TMEM116: variants seen among roughly 807,000 people sequenced by gnomAD.
TMEM116 encodes the protein transmembrane protein 116.
A neutral mutation model predicts 44.3 loss-of-function variants in TMEM116; 38 were observed. That is an observed-to-expected ratio of 0.86 (90% CI 0.66 to 1.12). TMEM116 has a LOEUF of 1.12. TMEM116 is among the 50% of genes most tolerant of loss of function. The pLI, the probability that TMEM116 is intolerant of heterozygous loss-of-function variation, is 0.00. For missense variants in TMEM116, 354 were observed against 401.7 expected, an observed-to-expected ratio of 0.88 and a Z score of 1.01; for synonymous variants, 132 against 144.8, an observed-to-expected ratio of 0.91 and a Z score of 0.64.
intron 4 of TMEM116, among the ~76,000 whole-genome samples, chr12:111,961,612 T>G (rs2136390364): frequency 1.3e-5 from 2 of 152,288 alleles, no homozygotes; most frequent in East Asian, 3.9e-4. Flanking sequence ...TTTGACAAAA[T>G]TCTACATCCC....
intron 4 of TMEM116, among the ~76,000 whole-genome samples, chr12:111,947,119 TA>T (rs2073347858): frequency 6.6e-6 from 1 of 151,976 alleles, no homozygotes; most frequent in African/African-American, 2.4e-5. Context: ...GGTTTTTAAT[TA>T]AAGTGTTAAA....
chr12:112,005,434 G>A, intron 1 of TMEM116, 131 bp from the exon 2 acceptor site: 2 of 656,882 alleles, frequency 3.0e-6, no homozygotes, highest in Non-Finnish European at 4.3e-6. Context: ...CTATAAGCCT[G>A]AGAATGAGTT....
At chr12:111,940,010 T>C (rs903594588) in intron 5 of TMEM116, among the ~76,000 whole-genome samples, 1 of 150,998 alleles carries the variant, frequency 6.6e-6, no homozygotes, top group Non-Finnish European at 1.5e-5. Flanking sequence ...TGGTGGCTTA[T>C]GTCTGTAGTC....
At chr12:111,942,894 T>C (rs1461737554) in intron 5 of TMEM116, among the ~76,000 whole-genome samples, 2 of 151,996 alleles carry the variant, frequency 1.3e-5, no homozygotes, top group Non-Finnish European at 2.9e-5. Context: ...TTAACCTCCA[T>C]AAATGCACCT....
At position 111,968,643 on chromosome 12, in the gene TMEM116, T is replaced by C. The variant is rs562776277; in HGVS notation, c.210+23115A>G. Among the ~76,000 whole-genome samples the C allele has an allele frequency of 8.5e-5, 13 of 152,276 alleles. No individual in the cohort carries two copies. The South Asian group carries it at 2.5e-3, about 29-fold the overall frequency. ...GAAGTAAAGGACAATAAAATAGTCA[T>C]CATAACTACATTCTATCTTTTCAGT... On this transcript the variant is annotated intron_variant, in intron 4 of 10. Transcript: ENST00000552374.
At chr12:111,973,892 C>T (rs763387970) in intron 4 of TMEM116, among the ~76,000 whole-genome samples, 1 of 151,498 alleles carries the variant, frequency 6.6e-6, no homozygotes, top group African/African-American at 2.4e-5. Flanking sequence ...CCAAGCTGGG[C>T]AACAAAAGCG....
chr12:111,981,039 T>A (rs1291293789), intron 4 of TMEM116, among the ~76,000 whole-genome samples: 4 of 148,938 alleles, frequency 2.7e-5, no homozygotes, highest in Non-Finnish European at 5.9e-5. Flanking sequence ...GTGCCACTGC[T>A]GGGTAACAGA....
At position 111,972,497 on chromosome 12, in the gene TMEM116, T is replaced by C. The variant is rs141032837; in HGVS notation, c.210+19261A>G. Among the ~76,000 whole-genome samples, 678 of 152,348 alleles carry C rather than the reference T, an allele frequency of 4.5e-3. 5 individuals carry two copies. The highest frequency in any genetic ancestry group is 5.4e-3 in the Non-Finnish European group (366 of 68,028). ...ACCAACTTGACAGAATTGATATTTA[T>C]AGAATATTCCAGCCAACAACAGCAG... On this transcript the variant is annotated intron_variant, in intron 4 of 10. Transcript: ENST00000552374.
At position 111,943,377 on chromosome 12, in the gene TMEM116, A is replaced by G. The variant is rs746656394; in HGVS notation, c.211-8T>C. 1 of 1,594,804 alleles carries G rather than the reference A, an allele frequency of 6.3e-7. No individual in the cohort carries two copies. The highest frequency in any genetic ancestry group is 8.6e-7 in the Non-Finnish European group (1 of 1,162,698). On this transcript the variant is annotated splice_polypyrimidine_tract_variant and splice_region_variant and intron_variant, in intron 4 of 10. Transcript: ENST00000552374. ...TGAGGAAATGTAGAATATCTAGGTT[A>G]AAATCAAAACAACCCATCATAACTA... is the stretch of plus-strand genomic sequence containing the variant.
In TMEM116 at chr12:111,974,633, C is replaced by T. The variant is rs1004590689; in HGVS notation, c.210+17125G>A. Among the ~76,000 whole-genome samples the T allele has an allele frequency of 3.6e-5, 5 of 140,388 alleles. No homozygotes were observed. In the East Asian group the frequency reaches 6.2e-4, roughly 17 times the overall value. The allele number at this position is 140,388 out of a possible 152,430, so 92.1% of individuals were successfully genotyped here. A position where few individuals can be genotyped will look rare whatever the true frequency, so the allele number is the denominator to read the frequency against. ...TCGCACCGCTGCACTCCAGCCTAGG[C>T]GACAGAGTGAGACTCTGTCGCAAAA... On this transcript the variant is annotated intron_variant, in intron 4 of 10. Transcript: ENST00000552374.
At chr12:111,998,606 G>A (rs1287983324) in intron 3 of TMEM116, among the ~76,000 whole-genome samples, 2 of 152,168 alleles carry the variant, frequency 1.3e-5, no homozygotes, top group Admixed American at 6.5e-5. Context: ...ATCACCTGAG[G>A]TCAGGAGTTT....
chr12:111,949,026 G>A (rs1284806936), intron 4 of TMEM116, among the ~76,000 whole-genome samples: 1 of 152,002 alleles, frequency 6.6e-6, no homozygotes, highest in Non-Finnish European at 1.5e-5. Context: ...GGTGGCGGGG[G>A]TTGCTTGAGC....
intron 4 of TMEM116, among the ~76,000 whole-genome samples, chr12:111,969,164 T>C (rs921067211): frequency 1.3e-5 from 2 of 150,962 alleles, no homozygotes; most frequent in Admixed American, 1.3e-4. Flanking sequence ...CTACTAAAAA[T>C]ATAAAATTAG....
intron 4 of TMEM116, among the ~76,000 whole-genome samples, chr12:111,965,272 G>A (rs894146516): frequency 6.6e-6 from 1 of 152,110 alleles, no homozygotes; most frequent in Non-Finnish European, 1.5e-5. Flanking sequence ...ATAGAAGTAG[G>A]AGAAAGGAAA....
chr12:111,940,205 G>A (rs1373612893), intron 5 of TMEM116, among the ~76,000 whole-genome samples: 12 of 151,422 alleles, frequency 7.9e-5, no homozygotes, highest in African/African-American at 2.4e-4. Context: ...CCTGGGAGGC[G>A]GAGGTTGCAG....
chr12:111,968,128 A>T (rs764428885), intron 4 of TMEM116, among the ~76,000 whole-genome samples: 7 of 152,224 alleles, frequency 4.6e-5, no homozygotes, highest in Admixed American at 6.5e-5. Flanking sequence ...GATTTGCAAG[A>T]TCTACTGACT....
At chr12:111,954,806 A>G (rs2073967293) in intron 4 of TMEM116, among the ~76,000 whole-genome samples, 2 of 152,376 alleles carry the variant, frequency 1.3e-5, no homozygotes, top group South Asian at 4.1e-4. Context: ...GTATCAAAGT[A>G]TACAGAAGAA....
intron 4 of TMEM116, among the ~76,000 whole-genome samples, chr12:111,963,649 CA>C (rs2074770449): frequency 1.3e-5 from 2 of 152,016 alleles, no homozygotes; most frequent in Admixed American, 1.3e-4. Flanking sequence ...GGGAACATCA[CA>C]CACCAGGGCC....
intron 10 of TMEM116, 93 bp from the exon 11 acceptor site, chr12:111,931,920 A>T: frequency 1.1e-6 from 1 of 892,850 alleles, no homozygotes; most frequent in Non-Finnish European, 1.7e-6. Flanking sequence ...AAGCATTGTT[A>T]TATTTTCTCT....
Sources: allele counts gnomAD v4.1 joint callset (sites outside exome capture counted in the v4.1 genomes callset), GRCh38; gene constraint gnomAD v4.1.1; transcripts MANE v1.5; gene names NCBI Gene and HGNC (gene_info 2026-07-23, HGNC 2026-07-21).